CHRM3: variants seen among roughly 807,000 people sequenced by gnomAD.
The protein encoded by CHRM3 is muscarinic acetylcholine receptor M3.
A neutral mutation model predicts 41.8 loss-of-function variants in CHRM3; 11 were observed. The observed-to-expected ratio is 0.26, with a 90% CI of 0.17 to 0.44. CHRM3 has a LOEUF of 0.44. Among genes scored for constraint, CHRM3 ranks in the 20% least tolerant of loss-of-function variants. The pLI is 1.00. For missense variants in CHRM3, 571 were observed against 745.4 expected (o/e 0.77, Z 2.72); for synonymous variants, 297 against 301.4 (o/e 0.99, Z 0.15).
At chr1:239,589,190 TC>T (rs1663786951) in intron 3 of CHRM3, among the ~76,000 whole-genome samples, 1 of 152,088 alleles carries the variant, frequency 6.6e-6, no homozygotes, top group African/African-American at 2.4e-5. Flanking sequence ...CTCCTCAGCC[TC>T]CCAAATTGCT....
intron 4 of CHRM3, among the ~76,000 whole-genome samples, chr1:239,671,026 A>G (rs1038836421): frequency 6.6e-5 from 10 of 152,188 alleles, no homozygotes; most frequent in African/African-American, 2.4e-4. Context: ...TCAGCAGTGT[A>G]TGAGAGTTAT....
intron 5 of CHRM3, among the ~76,000 whole-genome samples, chr1:239,792,253 A>G (rs1199133275): frequency 6.6e-6 from 1 of 152,226 alleles, no homozygotes; most frequent in African/African-American, 2.4e-5. Flanking sequence ...AGTACTTATT[A>G]TATGCCTGTC....
intron 4 of CHRM3, among the ~76,000 whole-genome samples, chr1:239,652,580 G>A (rs1672333615): frequency 6.6e-6 from 1 of 152,070 alleles, no homozygotes; most frequent in Non-Finnish European, 1.5e-5. Context: ...TGAGGAAGAA[G>A]CGTTGTTGGT....
chr1:239,596,139 T>A (rs928301950), intron 3 of CHRM3, among the ~76,000 whole-genome samples: 1 of 152,194 alleles, frequency 6.6e-6, no homozygotes, highest in Non-Finnish European at 1.5e-5. Context: ...AATAAATCAA[T>A]GTTGAGATAA....
At chr1:239,590,957 A>G (rs2148636974) in intron 3 of CHRM3, among the ~76,000 whole-genome samples, 1 of 152,332 alleles carries the variant, frequency 6.6e-6, no homozygotes, top group East Asian at 1.9e-4. Context: ...AAAACCTAAC[A>G]CAGTCTTCTA....
At chr1:239,883,496 C>G (rs765759187) in intron 6 of CHRM3, among the ~76,000 whole-genome samples, 2 of 152,122 alleles carry the variant, frequency 1.3e-5, no homozygotes, top group Non-Finnish European at 2.9e-5. Context: ...ATTTAGCAAA[C>G]ACTGCTTGCT....
intron 1 of CHRM3, among the ~76,000 whole-genome samples, chr1:239,439,317 A>T (rs1240262061): frequency 6.6e-6 from 1 of 152,190 alleles, no homozygotes; most frequent in Non-Finnish European, 1.5e-5. Context: ...TGACAATTAT[A>T]GTAATAACAC....
At chr1:239,482,056 G>A (rs1666889197) in intron 1 of CHRM3, among the ~76,000 whole-genome samples, 1 of 151,934 alleles carries the variant, frequency 6.6e-6, no homozygotes, top group Non-Finnish European at 1.5e-5. Flanking sequence ...TATTACAAAG[G>A]CTTATTTTTT....
At chr1:239,897,844 A>G (rs1265156961) in intron 6 of CHRM3, among the ~76,000 whole-genome samples, 1 of 152,134 alleles carries the variant, frequency 6.6e-6, no homozygotes, top group Non-Finnish European at 1.5e-5. Flanking sequence ...TTGAGGAAAA[A>G]CTGTTATTTC....
rs144347774 is a variant in CHRM3 at position 239,809,762 on chromosome 1, G to T, written c.-146-17490G>T. On this transcript the variant is annotated intron_variant, in intron 5 of 6. Transcript: ENST00000676153. Reference sequence around the variant, plus strand: ...TATCCTCTTGCCTCGGCCTCCCAAAGTGCCAGGATTACAGGCGTGAGCCAC... The same window carrying T: ...TATCCTCTTGCCTCGGCCTCCCAAATTGCCAGGATTACAGGCGTGAGCCAC... 5.1e-3 allele frequency among the ~76,000 whole-genome samples: 770 copies of T among 152,244 alleles called. 8 individuals are homozygous for T. Among genetic ancestry groups the T allele is most frequent in the Non-Finnish European group, 7.1e-3 (481 of 68,014 alleles).
At chr1:239,874,262 A>G (rs1676840372) in intron 6 of CHRM3, among the ~76,000 whole-genome samples, 1 of 139,686 alleles carries the variant, frequency 7.2e-6, no homozygotes, top group Admixed American at 7.4e-5. Context: ...ATATAGCAAG[A>G]CCTATATATA....
At chr1:239,593,131 C>T (rs972198292) in intron 3 of CHRM3, among the ~76,000 whole-genome samples, 1 of 152,114 alleles carries the variant, frequency 6.6e-6, no homozygotes, top group African/African-American at 2.4e-5. Flanking sequence ...TCATTCATTC[C>T]TTATATACTT....
At chr1:239,847,848 G>A (rs1038996825) in intron 6 of CHRM3, among the ~76,000 whole-genome samples, 1 of 152,034 alleles carries the variant, frequency 6.6e-6, no homozygotes, top group South Asian at 2.1e-4. Context: ...CCGGGATGTT[G>A]AGGCTGCAGT....
At chr1:239,818,168 C>T (rs1166424571) in intron 5 of CHRM3, among the ~76,000 whole-genome samples, 1 of 152,126 alleles carries the variant, frequency 6.6e-6, no homozygotes, top group African/African-American at 2.4e-5. Context: ...AGATGGCCGC[C>T]TTATCACTGG....
intron 6 of CHRM3, among the ~76,000 whole-genome samples, chr1:239,852,391 A>G (rs569062524): frequency 3.9e-5 from 6 of 152,258 alleles, no homozygotes; most frequent in Admixed American, 3.3e-4. Flanking sequence ...TTTCAATATA[A>G]TGGTCATGAT....
intron 5 of CHRM3, among the ~76,000 whole-genome samples, chr1:239,717,207 T>C (rs913155377): frequency 6.6e-6 from 1 of 152,146 alleles, no homozygotes; most frequent in Non-Finnish European, 1.5e-5. Context: ...TATGGGTGTA[T>C]TAAAACTGTG....
chr1:239,580,912 C>G lies in CHRM3; in HGVS notation c.-313+35163C>G, dbSNP rs186298801. Among the ~76,000 whole-genome samples, 6 of 151,834 alleles carry G rather than the reference C, an allele frequency of 4.0e-5. No homozygotes were observed. The East Asian group carries it at 9.7e-4, about 25-fold the overall frequency. On this transcript the variant is annotated intron_variant, in intron 3 of 6. Coordinates refer to ENST00000676153, the MANE Select transcript of CHRM3 (RefSeq NM_001375978.1). ...ATTTCTCCACCTTTGGCAGGGCATT[C>G]TTTACCTCTTGGGTGTCTGACTACC...
intron 1 of CHRM3, among the ~76,000 whole-genome samples, chr1:239,404,386 A>AAGAAAGAAAG (rs1660299536): frequency 6.1e-5 from 5 of 82,196 alleles, no homozygotes; most frequent in African/African-American, 2.6e-4. Context: ...GAAAGAAAGA[A>AAGAAAGAAAG]AGAAAGAAAG....
At chr1:239,735,548 C>A (rs1165199774) in intron 5 of CHRM3, among the ~76,000 whole-genome samples, 1 of 152,044 alleles carries the variant, frequency 6.6e-6, no homozygotes, top group Non-Finnish European at 1.5e-5. Context: ...AACATGGATT[C>A]ATTAATTTTG....
Sources: gnomAD v4.1 joint callset for allele counts (sites outside exome capture counted in the v4.1 genomes callset) on GRCh38, gnomAD v4.1.1 for gene constraint, MANE v1.5 for transcripts, NCBI Gene and HGNC (gene_info 2026-07-23, HGNC 2026-07-21) for gene names.